Variants in RNF157 observed in about 807,000 individuals in gnomAD.
RNF157 encodes the protein E3 ubiquitin ligase RNF157.
Under a neutral mutation model 88.3 loss-of-function variants are expected in RNF157, and 55 were observed. The observed-to-expected ratio is 0.62, with a 90% CI of 0.50 to 0.78. The LOEUF (loss-of-function observed/expected upper bound fraction) is 0.78. Ranked by LOEUF, RNF157 falls within the 30% of genes least tolerant of loss-of-function variation. The probability of loss-of-function intolerance (pLI) is 0.00; values close to 1 mark genes in which losing one functional copy is unlikely to be tolerated. For missense variants in RNF157, 788 were observed against 860.8 expected (o/e 0.92, Z 1.06); for synonymous variants, 334 against 341.2 (o/e 0.98, Z 0.23).
chr17:76,159,616 T>C (rs904975105), intron 11 of RNF157, 43 bp from the exon 12 acceptor site: 1 of 1,403,920 alleles, frequency 7.1e-7, no homozygotes, highest in Admixed American at 1.8e-5. Flanking sequence ...TTAGGTCCTT[T>C]TTGTTTTATG....
chr17:76,230,794 C>T (rs1038490547), intron 1 of RNF157, among the ~76,000 whole-genome samples: 3 of 128,910 alleles, frequency 2.3e-5, no homozygotes, highest in Non-Finnish European at 4.6e-5. Context: ...GCCAGGATCA[C>T]GCTATTGTAC....
In RNF157 at chr17:76,195,131, C is replaced by T. The variant is rs568550255; in HGVS notation, c.207+17233G>A. Among the ~76,000 whole-genome samples, 3 of 152,214 alleles carry T rather than the reference C, an allele frequency of 2.0e-5. No individual in the cohort carries two copies. The highest frequency in any genetic ancestry group is 2.1e-4 in the South Asian group (1 of 4,820). ...AGCGATTCAGGAGAACAGAAAGGGC[C>T]GAAATCCCAAATGGCAGAAACATAT... On this transcript the variant is annotated intron_variant, in intron 2 of 18. Coordinates refer to ENST00000269391, the MANE Select transcript of RNF157 (RefSeq NM_052916.3). This position sits in a 1 kb window ranked among gnomAD's most constrained non-coding sequence, Gnocchi z 4.4.
At chr17:76,230,853 AAAAAAAG>A (rs1209478576) in intron 1 of RNF157, among the ~76,000 whole-genome samples, 42 of 111,870 alleles carry the variant, frequency 3.8e-4, no homozygotes, top group Admixed American at 6.2e-4. Flanking sequence ...AAAAAAAAAA[AAAAAAAG>A]AGAGAGAGAG....
At chr17:76,212,303 G>A in intron 2 of RNF157, 61 bp downstream of exon 2, 2 of 1,183,528 alleles carry the variant, frequency 1.7e-6, no homozygotes, top group South Asian at 2.5e-5. Flanking sequence ...ACTTATTTTT[G>A]TTACATTTTT....
intron 2 of RNF157, among the ~76,000 whole-genome samples, chr17:76,205,137 T>C (rs1044925935): frequency 3.3e-5 from 5 of 151,068 alleles, no homozygotes; most frequent in Admixed American, 1.3e-4. Context: ...TCTTTTCTTT[T>C]TTTCTTTCTT....
At chr17:76,210,413 AC>A (rs1227010720) in intron 2 of RNF157, among the ~76,000 whole-genome samples, 1 of 151,592 alleles carries the variant, frequency 6.6e-6, no homozygotes, top group Middle Eastern at 3.4e-3. Flanking sequence ...ACACAGTGAA[AC>A]CCCGTCTCTA....
At chr17:76,197,296 G>A (rs1476405722) in intron 2 of RNF157, among the ~76,000 whole-genome samples, 3 of 152,160 alleles carry the variant, frequency 2.0e-5, no homozygotes, top group Admixed American at 6.5e-5. Flanking sequence ...TGTGAAACTG[G>A]GTGACTGCTA....
chr17:76,188,141 C>T (rs1248435897), intron 2 of RNF157, among the ~76,000 whole-genome samples: 1 of 152,098 alleles, frequency 6.6e-6, no homozygotes, highest in Non-Finnish European at 1.5e-5. Flanking sequence ...ATTTAAAGAC[C>T]GGATATAGTG....
intron 2 of RNF157, among the ~76,000 whole-genome samples, chr17:76,201,323 CAAAAAAAA>C (rs780243656): frequency 3.4e-5 from 2 of 59,660 alleles, no homozygotes; most frequent in Non-Finnish European, 4.4e-5. Context: ...CTAGTCTCTA[CAAAAAAAA>C]AAAAAAAAAG....
At chr17:76,170,511 T>C (rs1887513694) in intron 3 of RNF157, among the ~76,000 whole-genome samples, 1 of 152,196 alleles carries the variant, frequency 6.6e-6, no homozygotes, top group African/African-American at 2.4e-5. Context: ...TTCTCTGTTT[T>C]GACCTTTCCA....
intron 3 of RNF157, among the ~76,000 whole-genome samples, chr17:76,168,494 T>C (rs2068963354): frequency 2.0e-5 from 3 of 151,902 alleles, no homozygotes; most frequent in Non-Finnish European, 4.4e-5. Context: ...ACCCAAGCTC[T>C]CTGGGGCTGT....
chr17:76,186,958 A>AATAT (rs2069301937), intron 2 of RNF157, among the ~76,000 whole-genome samples: 2 of 151,386 alleles, frequency 1.3e-5, no homozygotes, highest in South Asian at 2.1e-4. Flanking sequence ...TAAATAAATA[A>AATAT]ATAAATAAAT....
chr17:76,223,415 T>C (rs2070023452), intron 1 of RNF157, among the ~76,000 whole-genome samples: 1 of 151,576 alleles, frequency 6.6e-6, no homozygotes, highest in Non-Finnish European at 1.5e-5. Context: ...CTCGAACTCC[T>C]GACCTCAGGT....
At chr17:76,149,079 G>A (rs2068633025) in intron 18 of RNF157, among the ~76,000 whole-genome samples, 1 of 152,086 alleles carries the variant, frequency 6.6e-6, no homozygotes, top group African/African-American at 2.4e-5. Context: ...AGGAATCTCA[G>A]AACACACTAC....
chr17:76,157,799 C>T lies in RNF157; in HGVS notation c.1413+594G>A, dbSNP rs528632312. Among the ~76,000 whole-genome samples the T allele has an allele frequency of 2.0e-5, 3 of 152,144 alleles. No homozygotes were observed. The highest frequency in any genetic ancestry group is 4.2e-4 in the South Asian group (2 of 4,804). The stretch of plus-strand genomic sequence containing the variant: ...CCCTACAGAGAGAAGCTGCATAAAC[C>T]TTTGTTAAGTGAGGTCTCTGTGGGA... On this transcript the variant is annotated intron_variant, in intron 13 of 18. Coordinates refer to ENST00000269391, the MANE Select transcript of RNF157 (RefSeq NM_052916.3). This position sits in a 1 kb window ranked among gnomAD's most constrained non-coding sequence, Gnocchi z 5.6.
chr17:76,185,701 C>A (rs1291070879), intron 2 of RNF157, among the ~76,000 whole-genome samples: 1 of 151,970 alleles, frequency 6.6e-6, no homozygotes, highest in Admixed American at 6.5e-5. Context: ...GATCTCCTGA[C>A]CTCGTGATCC....
intron 2 of RNF157, among the ~76,000 whole-genome samples, chr17:76,200,694 G>C (rs1360425204): frequency 6.6e-6 from 1 of 152,098 alleles, no homozygotes; most frequent in Admixed American, 6.6e-5. Flanking sequence ...GTGGAAGTAG[G>C]GAGACATGTA....
At chr17:76,162,298 G>A (rs2144839091) in intron 9 of RNF157, among the ~76,000 whole-genome samples, 1 of 152,302 alleles carries the variant, frequency 6.6e-6, no homozygotes, top group Non-Finnish European at 1.5e-5. Context: ...ACAGATAAAG[G>A]AAAAGGAGCA....
At chr17:76,153,634 C>G (rs1038973016) in intron 17 of RNF157, 6 of 152,476 alleles carry the variant, frequency 3.9e-5, no homozygotes, top group Non-Finnish European at 8.8e-5. Context: ...GCCATTCCTT[C>G]TCTTCTAGCC....
Sources: gnomAD v4.1 joint callset for allele counts (sites outside exome capture counted in the v4.1 genomes callset) on GRCh38, gnomAD v4.1.1 for gene constraint, Gnocchi (gnomAD v3.1) non-coding constraint, MANE v1.5 for transcripts, NCBI Gene and HGNC (gene_info 2026-07-23, HGNC 2026-07-21) for gene names.